XIRP2: variants seen among roughly 807,000 people sequenced by gnomAD.
The protein encoded by XIRP2 is xin actin binding repeat containing 2.
XIRP2 carries 236 observed loss-of-function variants against 277.0 expected under a neutral mutation model. The observed-to-expected ratio is 0.85, with a 90% CI of 0.77 to 0.95. XIRP2 has a LOEUF of 0.95. XIRP2 is among the 40% of genes least tolerant of loss of function. XIRP2 has a pLI of 0.00. For missense variants in XIRP2, 4,640 were observed against 4,157.5 expected (o/e 1.12, Z -3.19); for synonymous variants, 1,490 against 1,416.5 (o/e 1.05, Z -1.17).
chr2:167,219,228 A>G (rs545518601), intron 5 of XIRP2, among the ~76,000 whole-genome samples: 1 of 152,312 alleles, frequency 6.6e-6, no homozygotes, highest in South Asian at 2.1e-4. Flanking sequence ...AAAATGTACA[A>G]TATAGGTAGC....
chr2:166,922,286 A>G (rs1000663592), intron 2 of XIRP2, among the ~76,000 whole-genome samples: 3 of 152,106 alleles, frequency 2.0e-5, no homozygotes, highest in African/African-American at 7.2e-5. Flanking sequence ...GCCCTCTGTA[A>G]TGTGCTGAGA....
chr2:167,175,631 G>A (rs527630629), intron 3 of XIRP2, among the ~76,000 whole-genome samples: 7 of 152,174 alleles, frequency 4.6e-5, no homozygotes, highest in Non-Finnish European at 1.0e-4. Flanking sequence ...ACCACTTGAG[G>A]AGGCAGTCAT....
At position 166,925,596 on chromosome 2, in the gene XIRP2, C is replaced by CATATAT. The variant is rs3060398; in HGVS notation, c.408+21732_408+21737dup. 5.7e-3 allele frequency among the ~76,000 whole-genome samples: 580 copies of CATATAT among 102,406 alleles called. 5 individuals carry two copies. Among genetic ancestry groups the CATATAT allele is most frequent in the Middle Eastern group, 0.022 (4 of 182 alleles). The allele number at this position is 102,406 out of a possible 152,430, so 67.2% of individuals were successfully genotyped here. ...GTATGTGTGTGTGTATGTGTATATACATATATATATATATATATATATATA... is the reference window on the plus strand; with the variant it reads ...GTATGTGTGTGTGTATGTGTATATACATATATATATATATATATATATATATATATA... On this transcript the variant is annotated intron_variant, in intron 2 of 10. Coordinates refer to ENST00000409195, the MANE Select transcript of XIRP2 (RefSeq NM_152381.6).
chr2:167,089,167 C>T (rs1407208912), intron 2 of XIRP2, among the ~76,000 whole-genome samples: 1 of 152,050 alleles, frequency 6.6e-6, no homozygotes, highest in East Asian at 1.9e-4. Context: ...ATGGTTGTCA[C>T]AGTTCCAGCA....
chr2:167,222,139 A>G (rs1452656542), intron 5 of XIRP2, among the ~76,000 whole-genome samples: 1 of 152,208 alleles, frequency 6.6e-6, no homozygotes, highest in Non-Finnish European at 1.5e-5. Flanking sequence ...ATCTAATGGA[A>G]GGGCAGTTCT....
chr2:167,009,635 G>T (rs1034475548), intron 2 of XIRP2, among the ~76,000 whole-genome samples: 4 of 151,874 alleles, frequency 2.6e-5, no homozygotes, highest in Non-Finnish European at 5.9e-5. Context: ...CTGAGGAATC[G>T]CCACACTGAC....
chr2:166,996,214 G>T (rs551018255), intron 2 of XIRP2, among the ~76,000 whole-genome samples: 1 of 152,290 alleles, frequency 6.6e-6, no homozygotes, highest in Admixed American at 6.5e-5. Flanking sequence ...ATGAGTGAGT[G>T]AGTGAACTAG....
At chr2:166,902,341 T>C (rs1684405854) in intron 1 of XIRP2, among the ~76,000 whole-genome samples, 1 of 152,102 alleles carries the variant, frequency 6.6e-6, no homozygotes, top group Non-Finnish European at 1.5e-5. Flanking sequence ...AATGTGTGCA[T>C]TGAGTCCCCG....
intron 2 of XIRP2, among the ~76,000 whole-genome samples, chr2:166,938,906 G>C (rs914029919): frequency 6.6e-6 from 1 of 152,108 alleles, no homozygotes; most frequent in African/African-American, 2.4e-5. Context: ...CCAAGACTAG[G>C]ATTGCAACCC....
intron 3 of XIRP2, among the ~76,000 whole-genome samples, chr2:167,201,236 AAGAAAGAAAGAAAGAAAGAAAG>A (rs1693694122): frequency 9.6e-6 from 1 of 103,856 alleles, no homozygotes; most frequent in Non-Finnish European, 1.8e-5. Context: ...GAAAGAAAGA[AAGAAAGAAAGAAAGAAAGAAAG>A]AAAGAGAGAG....
intron 5 of XIRP2, among the ~76,000 whole-genome samples, chr2:167,223,484 T>C (rs1174378975): frequency 2.0e-5 from 3 of 152,200 alleles, no homozygotes; most frequent in Non-Finnish European, 4.4e-5. Flanking sequence ...TGGAACAATC[T>C]CTAGACAATG....
chr2:166,920,852 G>A (rs1685018982), intron 2 of XIRP2, among the ~76,000 whole-genome samples: 1 of 152,046 alleles, frequency 6.6e-6, no homozygotes, highest in Non-Finnish European at 1.5e-5. Context: ...AGTTCCCACT[G>A]TCAGTTGGTG....
At chr2:166,900,086 T>C (rs1186339623) in intron 1 of XIRP2, among the ~76,000 whole-genome samples, 2 of 152,022 alleles carry the variant, frequency 1.3e-5, no homozygotes. Context: ...AGCCCCACTG[T>C]CTTTCTCTTT....
chr2:166,979,726 G>A (rs1686817223), intron 2 of XIRP2, among the ~76,000 whole-genome samples: 1 of 152,016 alleles, frequency 6.6e-6, no homozygotes, highest in Non-Finnish European at 1.5e-5. Context: ...GCATTTTAAA[G>A]ATAAATTATA....
At chr2:166,934,519 G>A (rs1224887169) in intron 2 of XIRP2, among the ~76,000 whole-genome samples, 2 of 152,200 alleles carry the variant, frequency 1.3e-5, no homozygotes, top group African/African-American at 4.8e-5. Context: ...GTTAAGCTAT[G>A]CCCAGGCTTC....
At chr2:167,083,818 T>C (rs1359725876) in intron 2 of XIRP2, among the ~76,000 whole-genome samples, 1 of 152,196 alleles carries the variant, frequency 6.6e-6, no homozygotes, top group African/African-American at 2.4e-5. Context: ...TGAAGTTGCT[T>C]GTCAGCTTAA....
chr2:167,219,146 A>G (rs1201412037), intron 5 of XIRP2, among the ~76,000 whole-genome samples: 1 of 152,140 alleles, frequency 6.6e-6, no homozygotes, highest in Non-Finnish European at 1.5e-5. Flanking sequence ...GCGGCATATC[A>G]GGTAGAATGA....
rs570249699 is a variant in XIRP2, at chr2:167,011,815, C to T, written c.408+107925C>T. On this transcript the variant is annotated intron_variant, in intron 2 of 10. Transcript: ENST00000409195. ...TTTAGTGTTGGGAGGGTGTATGTGT[C>T]GAGGAATTTATCCATTTCTCCTAGA... is the stretch of plus-strand genomic sequence containing the variant. Among the ~76,000 whole-genome samples, 40 of 151,928 alleles carry T rather than the reference C, an allele frequency of 2.6e-4. No homozygotes were observed. In the East Asian group the frequency reaches 4.1e-3, roughly 16 times the overall value.
At chr2:167,025,176 G>C (rs555648315) in intron 2 of XIRP2, among the ~76,000 whole-genome samples, 2 of 152,280 alleles carry the variant, frequency 1.3e-5, no homozygotes, top group Admixed American at 1.3e-4. Flanking sequence ...TCCTGGTTTA[G>C]TGTTGGGAGG....
Sources: allele counts gnomAD v4.1 joint callset (sites outside exome capture counted in the v4.1 genomes callset), GRCh38; gene constraint gnomAD v4.1.1; transcripts MANE v1.5; gene names NCBI Gene and HGNC (gene_info 2026-07-23, HGNC 2026-07-21).